Variants in CNPY1 observed in about 807,000 individuals in gnomAD.
CNPY1 encodes protein canopy homolog 1.
A neutral mutation model predicts 14.4 loss-of-function variants in CNPY1; 14 were observed. That is an observed-to-expected ratio of 0.97 (90% CI 0.64 to 1.52). The LOEUF (loss-of-function observed/expected upper bound fraction) is 1.52, where lower values mean the gene tolerates loss of function less well. Ranked by LOEUF, CNPY1 falls within the 40% of genes most tolerant of loss-of-function variation. CNPY1 has a pLI of 0.00. For synonymous variants in CNPY1, 43 were observed against 46.5 expected (o/e 0.92, Z 0.31); for missense variants, 129 against 131.5 (o/e 0.98, Z 0.09).
chr7:155,531,517 C>T (rs1248350677), intron 2 of CNPY1, among the ~76,000 whole-genome samples: 1 of 152,156 alleles, frequency 6.6e-6, no homozygotes, highest in Non-Finnish European at 1.5e-5. Flanking sequence ...ACCGGCTGGT[C>T]CTGACTTATA....
At chr7:155,532,148 A>G (rs1271227544) in intron 2 of CNPY1, among the ~76,000 whole-genome samples, 4 of 152,248 alleles carry the variant, frequency 2.6e-5, no homozygotes, top group Non-Finnish European at 5.9e-5. Context: ...GAGAGGAAAT[A>G]TTGGTTCTGA....
chr7:155,521,031 G>A (rs1796710352), intron 2 of CNPY1, among the ~76,000 whole-genome samples: 1 of 80,266 alleles, frequency 1.2e-5, no homozygotes, highest in Admixed American at 1.4e-4. Flanking sequence ...CAAGGCTGAG[G>A]CATGAGAATG....
chr7:155,522,297 C>A (rs1010337245), intron 2 of CNPY1, among the ~76,000 whole-genome samples: 1 of 152,270 alleles, frequency 6.6e-6, no homozygotes, highest in Admixed American at 6.5e-5. Context: ...CTGAGACACA[C>A]TTCAAAGTGG....
At chr7:155,516,595 A>G (rs567674020) in intron 2 of CNPY1, among the ~76,000 whole-genome samples, 68 of 152,324 alleles carry the variant, frequency 4.5e-4, no homozygotes, top group African/African-American at 1.6e-3. Flanking sequence ...ACCCACACAG[A>G]AGACTGCGAC....
intron 2 of CNPY1, 144 bp from the exon 3 acceptor site, chr7:155,509,241 C>G (rs1370202862): frequency 3.6e-6 from 2 of 550,256 alleles, no homozygotes; most frequent in Admixed American, 3.6e-5. Flanking sequence ...AAGACGGTAC[C>G]GCAGATTGTT....
rs576336100 is a variant in CNPY1 at position 155,519,358 on chromosome 7, A to G, written c.100-10261T>C. Among the ~76,000 whole-genome samples, 3 of 152,176 alleles carry G rather than the reference A, an allele frequency of 2.0e-5. No individual in the cohort carries two copies. The East Asian group carries it at 5.8e-4, about 29-fold the overall frequency. ...AACATAGTGAGAGCTTGTCTCTACA[A>G]AAAATAAACAAAATTAGCTGGGCAT... On this transcript the variant is annotated intron_variant, in intron 2 of 4. Coordinates refer to ENST00000636446, the MANE Select transcript of CNPY1 (RefSeq NM_001393663.1).
At chr7:155,528,792 G>A (rs1421338255) in intron 2 of CNPY1, among the ~76,000 whole-genome samples, 3 of 152,156 alleles carry the variant, frequency 2.0e-5, no homozygotes, top group Admixed American at 6.5e-5. Context: ...TGGGCGCGGT[G>A]GCTCACACCT....
At position 155,508,291 on chromosome 7, in the gene CNPY1, GCTAA is replaced by G. The variant is rs1300056183; in HGVS notation, c.303+599_303+602del. Among the ~76,000 whole-genome samples the G allele has an allele frequency of 3.3e-5, 5 of 152,194 alleles. No individual in the cohort carries two copies. The East Asian group carries it at 9.6e-4, about 29-fold the overall frequency. ...ACACTGGAAGGAAATTTGGCATCAG[GCTAA>G]CTATCATACCTAAGCCTTTGTTTAA... is the stretch of plus-strand genomic sequence containing the variant. On this transcript the variant is annotated intron_variant, in intron 3 of 4. Transcript: ENST00000636446.
At chr7:155,504,456 A>G (rs1209912219) in intron 4 of CNPY1, among the ~76,000 whole-genome samples, 3 of 152,226 alleles carry the variant, frequency 2.0e-5, no homozygotes, top group African/African-American at 4.8e-5. Flanking sequence ...TTATAAATAA[A>G]GAGAAATAAT....
chr7:155,532,403 A>T (rs1796953019), intron 2 of CNPY1, among the ~76,000 whole-genome samples: 1 of 151,476 alleles, frequency 6.6e-6, no homozygotes, highest in Non-Finnish European at 1.5e-5. Context: ...CGGGCGGATC[A>T]CAAGGTCAGG....
chr7:155,543,323 G>A (rs55798710), intron 2 of CNPY1, among the ~76,000 whole-genome samples: 3,047 of 152,210 alleles, frequency 0.02, 108 homozygotes, highest in African/African-American at 0.069. Context: ...AGCTGAGCAC[G>A]TGCTCTGTGA....
At position 155,502,895 on chromosome 7, in the gene CNPY1, T is replaced by C. The variant is rs1796163926; in HGVS notation, c.*173A>G. ...CTTCACCTATAAAAAAACGCAGGGT[T>C]TGTCATGATGTCAACCAACAGATTT... is the stretch of plus-strand genomic sequence containing the variant. On this transcript the variant is annotated 3_prime_UTR_variant, in exon 5 of 5. Coordinates refer to ENST00000636446, the MANE Select transcript of CNPY1 (RefSeq NM_001393663.1). 1 of 568,358 alleles carries C rather than the reference T, an allele frequency of 1.8e-6. No individual in the cohort carries two copies. Among genetic ancestry groups the C allele is most frequent in the African/African-American group, 1.9e-5 (1 of 53,378 alleles). The allele number at this position is 568,358 out of a possible 1,614,324, so 35.2% of individuals were successfully genotyped here.
At chr7:155,512,724 C>G (rs951769191) in intron 2 of CNPY1, among the ~76,000 whole-genome samples, 1 of 152,176 alleles carries the variant, frequency 6.6e-6, no homozygotes, top group South Asian at 2.1e-4. Flanking sequence ...TGGAAACTGT[C>G]GTTGTGGTAT....
intron 2 of CNPY1, among the ~76,000 whole-genome samples, chr7:155,537,487 G>A (rs370255787): frequency 2.7e-5 from 4 of 150,200 alleles, no homozygotes; most frequent in Non-Finnish European, 4.4e-5. Context: ...GCAATGGTGC[G>A]ATCTCAGCTC....
At chr7:155,519,961 G>A (rs980890408) in intron 2 of CNPY1, among the ~76,000 whole-genome samples, 18 of 152,146 alleles carry the variant, frequency 1.2e-4, no homozygotes, top group Non-Finnish European at 2.6e-4. Flanking sequence ...GACATTTGGG[G>A]TATTGACAAC....
At chr7:155,545,569 G>A (rs1398258632) in intron 2 of CNPY1, among the ~76,000 whole-genome samples, 2 of 152,204 alleles carry the variant, frequency 1.3e-5, no homozygotes, top group Non-Finnish European at 2.9e-5. Flanking sequence ...AAGAACCACA[G>A]ACGCGCTATT....
chr7:155,505,565 T>A (rs1796276666), intron 4 of CNPY1, among the ~76,000 whole-genome samples: 1 of 152,164 alleles, frequency 6.6e-6, no homozygotes, highest in African/African-American at 2.4e-5. Flanking sequence ...TTATTCGGGG[T>A]GACTACTGCT....
At position 155,502,410 on chromosome 7, in the gene CNPY1, C is replaced by T. The variant is rs1796145913; in HGVS notation, c.*658G>A. Reference sequence around the variant, plus strand: ...GCAATAATAAATCAACTTTCTAAGCCACTTAAACTCAGAATGGTGTTTGAG... The same window carrying T: ...GCAATAATAAATCAACTTTCTAAGCTACTTAAACTCAGAATGGTGTTTGAG... On this transcript the variant is annotated 3_prime_UTR_variant, in exon 5 of 5. Coordinates refer to ENST00000636446, the MANE Select transcript of CNPY1 (RefSeq NM_001393663.1). 1 of 152,164 alleles carries T rather than the reference C, an allele frequency of 6.6e-6. No homozygotes were observed. The highest frequency in any genetic ancestry group is 2.4e-5 in the African/African-American group (1 of 41,440). The allele number at this position is 152,164 out of a possible 1,614,324, so 9.4% of individuals were successfully genotyped here.
chr7:155,543,826 G>T (rs913510813), intron 2 of CNPY1, among the ~76,000 whole-genome samples: 1 of 152,222 alleles, frequency 6.6e-6, no homozygotes, highest in African/African-American at 2.4e-5. Flanking sequence ...TGGGCAGAAA[G>T]ATCACCTGAG....
Sources: gnomAD v4.1 joint callset for allele counts (sites outside exome capture counted in the v4.1 genomes callset) on GRCh38, gnomAD v4.1.1 for gene constraint, MANE v1.5 for transcripts, NCBI Gene and HGNC (gene_info 2026-07-23, HGNC 2026-07-21) for gene names.